C16orf90: variants seen among roughly 807,000 people sequenced by gnomAD.
C16orf90 encodes the protein uncharacterized protein C16orf90.
C16orf90 carries 17 observed loss-of-function variants against 17.1 expected under a neutral mutation model. That is an observed-to-expected ratio of 1.00 (90% CI 0.68 to 1.49). The LOEUF (loss-of-function observed/expected upper bound fraction) is 1.49, where lower values mean the gene tolerates loss of function less well. C16orf90 is among the 40% of genes most tolerant of loss of function. The pLI, the probability that C16orf90 is intolerant of heterozygous loss-of-function variation, is 0.00. For missense variants in C16orf90, 255 were observed against 235.5 expected (o/e 1.08, Z -0.54); for synonymous variants, 108 against 95.8 (o/e 1.13, Z -0.75).
intron 1 of C16orf90, among the ~76,000 whole-genome samples, chr16:3,495,136 C>A (rs1247767825): frequency 1.3e-5 from 2 of 152,184 alleles, no homozygotes; most frequent in African/African-American, 4.8e-5. Context: ...GCTTTCAGGA[C>A]CTCAAGTCCT....
chr16:3,496,604 G>A, upstream of C16orf90: 1 of 531,152 alleles, frequency 1.9e-6, no homozygotes, highest in Non-Finnish European at 3.7e-6. Context: ...CCTCAAGGAC[G>A]GCGGCCCCGT....
chr16:3,495,224 A>C (rs2037291164), intron 1 of C16orf90, among the ~76,000 whole-genome samples, 152 bp downstream of exon 1: 1 of 152,100 alleles, frequency 6.6e-6, no homozygotes, highest in Admixed American at 6.5e-5. Context: ...TGGGTTTGAG[A>C]GAAAGTGGCC....
chr16:3,493,637 T>C lies in C16orf90; in HGVS notation c.*202A>G. 1 of 488,160 alleles carries C rather than the reference T, an allele frequency of 2.0e-6. No homozygotes were observed. Among genetic ancestry groups the C allele is most frequent in the Non-Finnish European group, 3.7e-6 (1 of 268,406 alleles). The allele number at this position is 488,160 out of a possible 1,614,324, so 30.2% of individuals were successfully genotyped here. A position where few individuals can be genotyped will look rare whatever the true frequency, so the allele number is the denominator to read the frequency against. On this transcript the variant is annotated 3_prime_UTR_variant, in exon 3 of 3. Transcript: ENST00000437192. The stretch of plus-strand genomic sequence containing the variant: ...CAGGCTGCAAGGGCACGGCCATGCT[T>C]CTATTGCTTCTGCCCCTCCCTCGGA...
chr16:3,494,867 G>T lies in C16orf90; in HGVS notation c.57C>A (p.Ser19Arg). Residue 19 changes from serine (S) to arginine (R), a missense_variant, in exon 2 of 3, where the codon AGC becomes AGA. Transcript: ENST00000437192. The part of the protein sequence containing the change: ...SELHIREDAV[S>R]QAQGRPGHPD... ...GGTGGCCGGGGCGTCCTTGGGCCTGGCTCACTGCATCTGCAGAGGAGACAG... is the reference window on the plus strand; with the variant it reads ...GGTGGCCGGGGCGTCCTTGGGCCTGTCTCACTGCATCTGCAGAGGAGACAG... 6.6e-7 allele frequency: 1 copy of T among 1,518,926 alleles called. No homozygotes were observed. The allele number at this position is 1,518,926 out of a possible 1,614,324, so 94.1% of individuals were successfully genotyped here. A position where few individuals can be genotyped will look rare whatever the true frequency, so the allele number is the denominator to read the frequency against.
chr16:3,494,829 G>A lies in C16orf90; in HGVS notation c.95C>T (p.Pro32Leu). The change falls in exon 2 of 3, where the codon CCC becomes CTC. Residue 32 changes from proline (P) to leucine (L), a missense_variant. By Grantham distance (98) the Pro-to-Leu change is moderately conservative (BLOSUM62 -3). Transcript: ENST00000437192. ...QGRPGHPDAP[P>L]NIYEGGLGSP... Reference sequence around the variant, plus strand: ...CCCCAGGCCCCCCTCGTAGATGTTGGGGGGTGCGTCAGGGTGGCCGGGGCG... The same window carrying A: ...CCCCAGGCCCCCCTCGTAGATGTTGAGGGGTGCGTCAGGGTGGCCGGGGCG... 2 of 1,551,560 alleles carry A rather than the reference G, an allele frequency of 1.3e-6. No individual in the cohort carries two copies. The highest frequency in any genetic ancestry group is 2.8e-5 in the African/African-American group (2 of 72,638).
upstream of C16orf90, chr16:3,496,132 C>T (rs1386980942): frequency 1.0e-5 from 4 of 386,078 alleles, no homozygotes; most frequent in Non-Finnish European, 2.0e-5. Flanking sequence ...CAGAGCGAGA[C>T]TCCGTCTCAA....
At chr16:3,496,207 G>A (rs2037307178), upstream of C16orf90, 7 of 575,482 alleles carry the variant, frequency 1.2e-5, no homozygotes, top group East Asian at 3.0e-4. Flanking sequence ...CATCATGGGA[G>A]CTGACGTCCG....
At chr16:3,495,860 C>T (rs9936898), upstream of C16orf90, among the ~76,000 whole-genome samples, 632 of 152,216 alleles carry the variant, frequency 4.2e-3, 3 homozygotes, top group African/African-American at 0.014. Context: ...AATCCCAGCA[C>T]TGTGGGAGGC....
At position 3,494,720 on chromosome 16, in the gene C16orf90, G is replaced by A. The variant is rs772913095; in HGVS notation, c.204C>T (p.Tyr68=). 3.1e-6 allele frequency: 5 copies of A among 1,608,518 alleles called. No individual in the cohort carries two copies. The highest frequency in any genetic ancestry group is 4.2e-6 in the Non-Finnish European group (5 of 1,178,674). ...CAGTGGGTGGCGGGTGGCTCTCCAG[G>A]TAGAGGCCCAGGCCCCGGAGGTGGC... is the stretch of plus-strand genomic sequence containing the variant. The part of the protein sequence containing the change: ...RLRHLRGLGL[Y]LESHPPPTGQ... Residue 68 remains tyrosine (Y), a synonymous_variant, in exon 2 of 3, where the codon TAC becomes TAT. Coordinates refer to ENST00000437192, the MANE Select transcript of C16orf90 (RefSeq NM_001080524.2).
Position 3,493,641 on chromosome 16 carries a change from T to C in C16orf90, c.*198A>G. ...CTGCAAGGGCACGGCCATGCTTCTA[T>C]TGCTTCTGCCCCTCCCTCGGAACCT... is the stretch of plus-strand genomic sequence containing the variant. On this transcript the variant is annotated 3_prime_UTR_variant, in exon 3 of 3. Transcript: ENST00000437192. 1 of 497,312 alleles carries C rather than the reference T, an allele frequency of 2.0e-6. No individual in the cohort carries two copies. The highest frequency in any genetic ancestry group is 3.6e-6 in the Non-Finnish European group (1 of 274,614). The allele number at this position is 497,312 out of a possible 1,614,324, so 30.8% of individuals were successfully genotyped here.
intron 2 of C16orf90, 101 bp from the exon 3 acceptor site, chr16:3,494,088 G>T: frequency 1.0e-6 from 1 of 1,003,734 alleles, no homozygotes; most frequent in Non-Finnish European, 1.5e-6. Flanking sequence ...CGATATTCTT[G>T]AAAACAGAAG....
upstream of C16orf90, chr16:3,496,564 C>T: frequency 1.8e-6 from 1 of 543,816 alleles, no homozygotes; most frequent in Non-Finnish European, 3.6e-6. Flanking sequence ...GGGCCAAGAT[C>T]CTGACTTTCG....
upstream of C16orf90, among the ~76,000 whole-genome samples, chr16:3,495,712 C>G (rs1055277266): frequency 1.3e-5 from 2 of 152,272 alleles, no homozygotes; most frequent in Middle Eastern, 3.4e-3. Context: ...CTGGAGAGTC[C>G]TTCTCTCAGG....
chr16:3,494,727 C>T lies in C16orf90; in HGVS notation c.197G>A (p.Gly66Asp). Residue 66 changes from glycine (G) to aspartate (D), a missense_variant, in exon 2 of 3, where the codon GGC becomes GAC. Gly to Asp is a moderately conservative substitution (Grantham distance 94, BLOSUM62 -1). Coordinates refer to ENST00000437192, the MANE Select transcript of C16orf90 (RefSeq NM_001080524.2). The stretch of plus-strand genomic sequence containing the variant: ...TGGCGGGTGGCTCTCCAGGTAGAGG[C>T]CCAGGCCCCGGAGGTGGCGCAGCCG... ...NFRLRHLRGLGLYLESHPPPT... is the reference protein window; with the variant it reads ...NFRLRHLRGLDLYLESHPPPT... The T allele has an allele frequency of 6.2e-7, 1 of 1,607,306 alleles. No individual in the cohort carries two copies. Among genetic ancestry groups the T allele is most frequent in the Non-Finnish European group, 8.5e-7 (1 of 1,178,072 alleles).
chr16:3,494,383 AC>A, intron 2 of C16orf90, 140 bp downstream of exon 2: 1 of 700,610 alleles, frequency 1.4e-6, no homozygotes, highest in Non-Finnish European at 2.4e-6. Context: ...AGAGATGGGG[AC>A]AGATTCATCA....
chr16:3,494,796 T>C lies in C16orf90; in HGVS notation c.128A>G (p.Gln43Arg). 6.3e-7 allele frequency: 1 copy of C among 1,585,218 alleles called. No individual in the cohort carries two copies. The highest frequency in any genetic ancestry group is 8.6e-7 in the Non-Finnish European group (1 of 1,167,180). The change falls in exon 2 of 3, where the codon CAG becomes CGG. Residue 43 changes from glutamine (Q) to arginine (R), a missense_variant. Physicochemically the swap from Gln to Arg is conservative, Grantham distance 43. Coordinates refer to ENST00000437192, the MANE Select transcript of C16orf90 (RefSeq NM_001080524.2). Reference sequence around the variant, plus strand: ...TCCCTGGGCACTGGGGCACTGCGGCTGCGGGGACCCCAGGCCCCCCTCGTA... The same window carrying C: ...TCCCTGGGCACTGGGGCACTGCGGCCGCGGGGACCCCAGGCCCCCCTCGTA... ...NIYEGGLGSPQPQCPSAQGSK... is the reference protein window; with the variant it reads ...NIYEGGLGSPRPQCPSAQGSK...
At chr16:3,495,532 G>A (rs2037297658), upstream of C16orf90, 2 of 1,527,564 alleles carry the variant, frequency 1.3e-6, no homozygotes, top group Non-Finnish European at 1.8e-6. Flanking sequence ...TGGTTCTTAT[G>A]ACATCACGGG....
Position 3,493,877 on chromosome 16 carries a change from A to G in C16orf90, c.511T>C (p.Cys171Arg). 1 of 1,607,338 alleles carries G rather than the reference A, an allele frequency of 6.2e-7. No homozygotes were observed. Among genetic ancestry groups the G allele is most frequent in the Non-Finnish European group, 8.5e-7 (1 of 1,177,116 alleles). The change falls in exon 3 of 3, where the codon TGC becomes CGC. Residue 171 changes from cysteine (C) to arginine (R), a missense_variant. Transcript: ENST00000437192. ...AGGGCCCCAGAGCGGGTTCTCTTGC[A>G]CAAGGGACACATGGCCTCTTCCCAG... The part of the protein sequence containing the change: ...GTWEEAMCPL[C>R]KRTRSGALER...
Position 3,494,531 on chromosome 16 carries a change from T to C in C16orf90, c.393A>G (p.Gly131=). ...LEARLPRDSL[G]SSASSSSMDP... Reference sequence around the variant, plus strand: ...TGCCTTGACAGAGCTCACCACTGCTTCCCAGGCTGTCCCTGGGCAATCGGG... The same window carrying C: ...TGCCTTGACAGAGCTCACCACTGCTCCCCAGGCTGTCCCTGGGCAATCGGG... Residue 131 remains glycine, a synonymous_variant, in exon 2 of 3, where the codon GGA becomes GGG. Transcript: ENST00000437192. 6.2e-7 allele frequency: 1 copy of C among 1,612,332 alleles called. No homozygotes were observed.
Sources: gnomAD v4.1 joint callset for allele counts (sites outside exome capture counted in the v4.1 genomes callset) on GRCh38, gnomAD v4.1.1 for gene constraint, MANE v1.5 for transcripts, NCBI Gene and HGNC (gene_info 2026-07-23, HGNC 2026-07-21) for gene names.